MAGI2: variants seen among roughly 807,000 people sequenced by gnomAD.
MAGI2 encodes the protein membrane associated guanylate kinase, WW and PDZ domain containing 2.
Under a neutral mutation model 133.3 loss-of-function variants are expected in MAGI2, and 35 were observed. That is an observed-to-expected ratio of 0.26 (90% CI 0.20 to 0.35). The LOEUF (loss-of-function observed/expected upper bound fraction) is 0.35. MAGI2 is among the 10% of genes least tolerant of loss of function. The pLI is 1.00. For synonymous variants in MAGI2, 729 were observed against 710.6 expected (o/e 1.03, Z -0.41); for missense variants, 1,636 against 1,863.4 (o/e 0.88, Z 2.25).
rs145797482 is a variant in MAGI2, at chr7:78,797,592, A to G, written c.419-170353T>C. 3.1e-3 allele frequency among the ~76,000 whole-genome samples: 467 copies of G among 152,314 alleles called. 1 individual carries two copies. Among genetic ancestry groups the G allele is most frequent in the African/African-American group, 0.011 (442 of 41,580 alleles). The stretch of plus-strand genomic sequence containing the variant: ...TGTTTGCTTTTCATAATAGAAATAG[A>G]AAACTTCAGATATGTTAATCACATA... On this transcript the variant is annotated intron_variant, in intron 2 of 21. Coordinates refer to ENST00000354212, the MANE Select transcript of MAGI2 (RefSeq NM_012301.4).
chr7:78,591,705 C>A (rs962587241), intron 3 of MAGI2, among the ~76,000 whole-genome samples: 1 of 152,160 alleles, frequency 6.6e-6, no homozygotes, highest in African/African-American at 2.4e-5. Flanking sequence ...CACCCACTCT[C>A]CCTAAAATGA....
At chr7:79,143,246 G>A (rs1822297573) in intron 1 of MAGI2, among the ~76,000 whole-genome samples, 1 of 152,134 alleles carries the variant, frequency 6.6e-6, no homozygotes, top group Non-Finnish European at 1.5e-5. Flanking sequence ...GAGTAACTTA[G>A]ATGCAAACAG....
intron 2 of MAGI2, among the ~76,000 whole-genome samples, chr7:78,864,199 C>T (rs1412390990): frequency 6.6e-6 from 1 of 152,092 alleles, no homozygotes; most frequent in Non-Finnish European, 1.5e-5. Context: ...CAAAATATTG[C>T]CTGGCAGGTA....
intron 21 of MAGI2, among the ~76,000 whole-genome samples, chr7:78,051,694 C>T (rs914229359): frequency 1.6e-4 from 25 of 152,014 alleles, no homozygotes; most frequent in African/African-American, 4.4e-4. Context: ...AAGTGATTCT[C>T]GTGCCTCAGC....
chr7:78,998,517 G>A (rs1806541756), intron 2 of MAGI2, among the ~76,000 whole-genome samples: 1 of 152,072 alleles, frequency 6.6e-6, no homozygotes, highest in African/African-American at 2.4e-5. Flanking sequence ...ATTCTTGGAT[G>A]AGTGCTCTTT....
intron 9 of MAGI2, among the ~76,000 whole-genome samples, chr7:78,305,537 T>C (rs1488775279): frequency 1.3e-5 from 2 of 152,218 alleles, no homozygotes; most frequent in South Asian, 2.1e-4. Flanking sequence ...AGATTGCTAC[T>C]GTGTTCTATG....
At chr7:78,059,180 A>G (rs1416378815) in intron 21 of MAGI2, among the ~76,000 whole-genome samples, 1 of 152,204 alleles carries the variant, frequency 6.6e-6, no homozygotes, top group Admixed American at 6.5e-5. Context: ...TAACAACAGC[A>G]GAAGCCCACC....
chr7:79,083,482 T>G (rs1330126862), intron 1 of MAGI2, among the ~76,000 whole-genome samples: 1 of 151,690 alleles, frequency 6.6e-6, no homozygotes, highest in Non-Finnish European at 1.5e-5. Context: ...TCCATGGATT[T>G]GATTAATTTT....
intron 1 of MAGI2, among the ~76,000 whole-genome samples, chr7:79,101,326 C>A (rs1817947408): frequency 6.6e-6 from 1 of 152,066 alleles, no homozygotes; most frequent in African/African-American, 2.4e-5. Flanking sequence ...AAGACCAGAA[C>A]TAGGTGGGCT....
intron 4 of MAGI2, chr7:78,509,409 G>C (rs920383666): frequency 6.6e-6 from 1 of 152,112 alleles, no homozygotes; most frequent in Non-Finnish European, 1.5e-5. Context: ...CTGCCCTGAG[G>C]GTTTTGTTGA....
chr7:78,820,537 A>G (rs941213994), intron 2 of MAGI2, among the ~76,000 whole-genome samples: 3 of 151,966 alleles, frequency 2.0e-5, no homozygotes, highest in African/African-American at 2.4e-5. Flanking sequence ...CTGATTTTAA[A>G]AAAGTGGAAT....
At chr7:78,412,749 C>G (rs1199486106) in intron 6 of MAGI2, among the ~76,000 whole-genome samples, 1 of 152,036 alleles carries the variant, frequency 6.6e-6, no homozygotes, top group Non-Finnish European at 1.5e-5. Flanking sequence ...TATTTGAGAA[C>G]AGTTTGTTAC....
intron 2 of MAGI2, among the ~76,000 whole-genome samples, chr7:78,806,406 CATT>C (rs1206512509): frequency 6.6e-6 from 1 of 152,034 alleles, no homozygotes; most frequent in Admixed American, 6.6e-5. Flanking sequence ...GCCATAACAT[CATT>C]ATCATCATTA....
intron 21 of MAGI2, among the ~76,000 whole-genome samples, chr7:78,040,501 T>C (rs3779339): frequency 0.31 from 46,682 of 152,086 alleles, 7,371 homozygotes; most frequent in Middle Eastern, 0.33. Flanking sequence ...TTTCTCAACC[T>C]TCCCTGGGTG....
intron 1 of MAGI2, among the ~76,000 whole-genome samples, chr7:79,085,498 T>A (rs969704999): frequency 2.0e-5 from 3 of 151,914 alleles, no homozygotes; most frequent in Non-Finnish European, 2.9e-5. Flanking sequence ...TCAGGAACAG[T>A]TTCTGTTGAC....
chr7:78,501,003 G>C (rs1794572749), intron 5 of MAGI2, among the ~76,000 whole-genome samples: 1 of 152,184 alleles, frequency 6.6e-6, no homozygotes, highest in Non-Finnish European at 1.5e-5. Context: ...CGGGAGGACT[G>C]CTTAAGCCTT....
chr7:78,810,491 T>A (rs1788953969), intron 2 of MAGI2, among the ~76,000 whole-genome samples: 1 of 152,064 alleles, frequency 6.6e-6, no homozygotes, highest in South Asian at 2.1e-4. Flanking sequence ...ATAAACAGAG[T>A]CCTCAGATTA....
In MAGI2 at chr7:79,453,365, G is replaced by T; in HGVS notation, c.-45C>A. The T allele has an allele frequency of 6.4e-7, 1 of 1,553,216 alleles. No homozygotes were observed. Among genetic ancestry groups the T allele is most frequent in the South Asian group, 1.2e-5 (1 of 80,754 alleles). On this transcript the variant is annotated 5_prime_UTR_variant, in exon 1 of 22. Coordinates refer to ENST00000354212, the MANE Select transcript of MAGI2 (RefSeq NM_012301.4). ...TCAGTTCCTGGGCTCCTTGGGGTTA[G>T]GGGGGCTGGTGGTGAGAGAATGAGG...
chr7:79,005,972 C>G (rs549896292), intron 2 of MAGI2, among the ~76,000 whole-genome samples: 1 of 152,202 alleles, frequency 6.6e-6, no homozygotes, highest in South Asian at 2.1e-4. Flanking sequence ...ATAATGGTGT[C>G]CTGGCATTGT....
Sources: gnomAD v4.1 joint callset for allele counts (sites outside exome capture counted in the v4.1 genomes callset) on GRCh38, gnomAD v4.1.1 for gene constraint, MANE v1.5 for transcripts, NCBI Gene and HGNC (gene_info 2026-07-23, HGNC 2026-07-21) for gene names.